Variants in GLIS1 observed in about 807,000 individuals in gnomAD.
The protein encoded by GLIS1 is GLIS family zinc finger 1, also known as zinc finger protein GLIS1.
A neutral mutation model predicts 63.8 loss-of-function variants in GLIS1; 24 were observed. That is an observed-to-expected ratio of 0.38 (90% CI 0.27 to 0.53). The LOEUF is 0.53. Among genes scored for constraint, GLIS1 ranks in the 20% least tolerant of loss-of-function variants. The probability of loss-of-function intolerance (pLI) is 0.85; values close to 1 mark genes in which losing one functional copy is unlikely to be tolerated. For synonymous variants in GLIS1, 450 were observed against 482.5 expected (o/e 0.93, Z 0.88); for missense variants, 1,036 against 1,074.1 (o/e 0.96, Z 0.50).
At chr1:53,513,372 C>T (rs563241016) in intron 8 of GLIS1, among the ~76,000 whole-genome samples, 1 of 152,176 alleles carries the variant, frequency 6.6e-6, no homozygotes, top group African/African-American at 2.4e-5. Flanking sequence ...CTCTTCAGGT[C>T]GAGTCTCATC....
intron 2 of GLIS1, among the ~76,000 whole-genome samples, chr1:53,629,285 A>T (rs1645627411): frequency 6.6e-6 from 1 of 152,000 alleles, no homozygotes; most frequent in Non-Finnish European, 1.5e-5. Context: ...CCCAGCTCAA[A>T]TGCTTCCTCC....
chr1:53,733,065 C>T (rs1225869879), intron 2 of GLIS1, among the ~76,000 whole-genome samples: 1 of 152,204 alleles, frequency 6.6e-6, no homozygotes, highest in Non-Finnish European at 1.5e-5. Flanking sequence ...CTCCCCTCTT[C>T]CAGGATACTG....
intron 2 of GLIS1, among the ~76,000 whole-genome samples, chr1:53,722,890 T>C (rs1420948275): frequency 6.6e-6 from 1 of 150,744 alleles, no homozygotes; most frequent in East Asian, 1.9e-4. Flanking sequence ...CCCAGCACTT[T>C]GGGAGGCCGA....
chr1:53,724,468 T>C (rs531061293), intron 2 of GLIS1, among the ~76,000 whole-genome samples: 2 of 152,274 alleles, frequency 1.3e-5, no homozygotes, highest in Non-Finnish European at 2.9e-5. Flanking sequence ...AGCCATAGTG[T>C]TTTTGTGGAG....
chr1:53,690,780 G>C (rs1434298800), intron 2 of GLIS1, among the ~76,000 whole-genome samples: 1 of 152,228 alleles, frequency 6.6e-6, no homozygotes, highest in East Asian at 1.9e-4. Context: ...ACTGGAAACA[G>C]GTGATGATGT....
chr1:53,593,756 T>G (rs1013275143), intron 4 of GLIS1, among the ~76,000 whole-genome samples: 1 of 152,224 alleles, frequency 6.6e-6, no homozygotes, highest in Admixed American at 6.5e-5. Context: ...CACCAGCAGA[T>G]GGGACATGGA....
chr1:53,637,185 AGGCT>A (rs1319845018), intron 2 of GLIS1, among the ~76,000 whole-genome samples: 1 of 152,008 alleles, frequency 6.6e-6, no homozygotes, highest in Non-Finnish European at 1.5e-5. Context: ...TCCCCCCGGC[AGGCT>A]GGCAATGGCC....
intron 3 of GLIS1, among the ~76,000 whole-genome samples, chr1:53,599,734 A>G (rs1170125624): frequency 6.6e-6 from 1 of 152,170 alleles, no homozygotes; most frequent in East Asian, 1.9e-4. Context: ...TGGGGCAGAG[A>G]TGGTATGTGG....
intron 2 of GLIS1, among the ~76,000 whole-genome samples, chr1:53,630,929 A>C (rs1352958215): frequency 6.6e-6 from 1 of 152,224 alleles, no homozygotes; most frequent in Non-Finnish European, 1.5e-5. Flanking sequence ...GAATATTTGA[A>C]AATACTTTTT....
intron 2 of GLIS1, among the ~76,000 whole-genome samples, chr1:53,676,389 T>G (rs1314598982): frequency 6.6e-6 from 1 of 152,094 alleles, no homozygotes; most frequent in Non-Finnish European, 1.5e-5. Flanking sequence ...GGCTAAGGGC[T>G]GGGCTACCCG....
At chr1:53,582,601 A>G (rs2100499228) in intron 4 of GLIS1, among the ~76,000 whole-genome samples, 1 of 152,320 alleles carries the variant, frequency 6.6e-6, no homozygotes, top group Middle Eastern at 3.4e-3. Context: ...AGTGCACATG[A>G]CAAGAGCCAG....
intron 3 of GLIS1, among the ~76,000 whole-genome samples, chr1:53,597,737 A>C (rs535953477): frequency 6.6e-6 from 1 of 152,128 alleles, no homozygotes; most frequent in South Asian, 2.1e-4. Context: ...TAGGAAAATG[A>C]GCGAGTCTGA....
chr1:53,670,892 G>A (rs1646144015), intron 2 of GLIS1, among the ~76,000 whole-genome samples: 1 of 152,192 alleles, frequency 6.6e-6, no homozygotes, highest in East Asian at 1.9e-4. Context: ...TGAAAAGCAG[G>A]CAACAATCTA....
intron 2 of GLIS1, among the ~76,000 whole-genome samples, chr1:53,604,276 T>C (rs2950255): frequency 0.94 from 142,769 of 152,300 alleles, 67,585 homozygotes; most frequent in East Asian, 1. Context: ...GGACAAACCC[T>C]CAAGACTTGG....
Position 53,529,777 on chromosome 1 carries a change from C to A in GLIS1, c.1482+14G>T. ...TCCTCCACCCCGCCCTGGGCCTCTGCCTGTTGGGCCTACCGTGTCTAGGTG... is the reference window on the plus strand; with the variant it reads ...TCCTCCACCCCGCCCTGGGCCTCTGACTGTTGGGCCTACCGTGTCTAGGTG... On this transcript the variant is annotated intron_variant, in intron 5 of 10. Transcript: ENST00000628545. The A allele has an allele frequency of 3.7e-6, 6 of 1,608,228 alleles. No individual in the cohort carries two copies. The highest frequency in any genetic ancestry group is 5.1e-6 in the Non-Finnish European group (6 of 1,179,074).
intron 4 of GLIS1, among the ~76,000 whole-genome samples, chr1:53,571,814 G>A (rs1399800460): frequency 3.3e-5 from 5 of 152,140 alleles, no homozygotes; most frequent in South Asian, 2.1e-4. Flanking sequence ...TCCTGACCTC[G>A]TGATCCGCCC....
chr1:53,520,847 G>T, intron 6 of GLIS1, 81 bp from the exon 7 acceptor site: 1 of 1,439,394 alleles, frequency 6.9e-7, no homozygotes, highest in Admixed American at 2.4e-5. Context: ...GGACAGGGCA[G>T]AAAGGACTGC....
chr1:53,655,882 C>A (rs1285591156), intron 2 of GLIS1, among the ~76,000 whole-genome samples: 2 of 152,168 alleles, frequency 1.3e-5, no homozygotes, highest in African/African-American at 4.8e-5. Flanking sequence ...CAACAAGCAC[C>A]AAGGTAGGGA....
intron 4 of GLIS1, among the ~76,000 whole-genome samples, chr1:53,553,333 A>T (rs1644780847): frequency 6.6e-6 from 1 of 151,810 alleles, no homozygotes; most frequent in Non-Finnish European, 1.5e-5. Flanking sequence ...GCTCTCCCTC[A>T]TGAGAAAAAA....
Sources: allele counts gnomAD v4.1 joint callset (sites outside exome capture counted in the v4.1 genomes callset), GRCh38; gene constraint gnomAD v4.1.1; transcripts MANE v1.5; gene names NCBI Gene and HGNC (gene_info 2026-07-23, HGNC 2026-07-21).